Variants in PXDNL observed in about 807,000 individuals in gnomAD.
PXDNL encodes peroxidasin like, also known as probable oxidoreductase PXDNL.
Under a neutral mutation model 150.8 loss-of-function variants are expected in PXDNL, and 145 were observed. The observed-to-expected ratio is 0.96, with a 90% CI of 0.84 to 1.10. The LOEUF (loss-of-function observed/expected upper bound fraction) is 1.10, where lower values mean the gene tolerates loss of function less well. Among genes scored for constraint, PXDNL ranks in the 50% least tolerant of loss-of-function variants. The pLI is 0.00. For missense variants in PXDNL, 2,087 were observed against 1,873.9 expected, an observed-to-expected ratio of 1.11 and a Z score of -2.10; for synonymous variants, 757 against 725.7, an observed-to-expected ratio of 1.04 and a Z score of -0.69.
intron 2 of PXDNL, among the ~76,000 whole-genome samples, chr8:51,635,760 T>C (rs1197212976): frequency 3.3e-5 from 5 of 152,196 alleles, no homozygotes; most frequent in African/African-American, 1.2e-4. Context: ...GTTTCACTCG[T>C]AAATTTTATC....
intron 1 of PXDNL, among the ~76,000 whole-genome samples, chr8:51,780,791 C>G (rs760900441): frequency 1.3e-5 from 2 of 151,456 alleles, no homozygotes; most frequent in Non-Finnish European, 2.9e-5. Context: ...TCCCGAGTAG[C>G]TGGAATTACA....
intron 1 of PXDNL, among the ~76,000 whole-genome samples, chr8:51,744,186 AAGAG>A (rs1465070283): frequency 1.3e-5 from 2 of 149,606 alleles, no homozygotes; most frequent in Non-Finnish European, 3.0e-5. Context: ...GAAGGTGAGA[AAGAG>A]AGAAAGAAAA....
intron 1 of PXDNL, among the ~76,000 whole-genome samples, chr8:51,762,457 C>T (rs1215192887): frequency 6.6e-6 from 1 of 152,194 alleles, no homozygotes; most frequent in African/African-American, 2.4e-5. Flanking sequence ...ACCTGCTGCT[C>T]TCTCTGAAGT....
rs539063150 is a variant in PXDNL at position 51,407,747 on chromosome 8, A to T, written c.3557+320T>A. ...ATTTATATCGAATGTATGGCCTCAT[A>T]TCAACAAAAGGGCCTTGCTTGGATT... On this transcript the variant is annotated intron_variant, in intron 17 of 22. Coordinates refer to ENST00000356297, the MANE Select transcript of PXDNL (RefSeq NM_144651.5). Among the ~76,000 whole-genome samples the T allele has an allele frequency of 3.9e-5, 6 of 152,326 alleles. No individual in the cohort carries two copies. The East Asian group carries it at 1.2e-3, about 29-fold the overall frequency.
chr8:51,470,237 C>T (rs949682428), intron 8 of PXDNL, among the ~76,000 whole-genome samples: 2 of 151,984 alleles, frequency 1.3e-5, no homozygotes, highest in African/African-American at 4.8e-5. Context: ...TTCTCGTGGG[C>T]TAGTTTCCAG....
chr8:51,496,390 C>A (rs1230770130), intron 5 of PXDNL, among the ~76,000 whole-genome samples: 7 of 152,184 alleles, frequency 4.6e-5, no homozygotes, highest in Non-Finnish European at 7.3e-5. Flanking sequence ...TGCCCTCTCT[C>A]ACCACTCCTA....
intron 19 of PXDNL, among the ~76,000 whole-genome samples, chr8:51,369,714 T>C (rs770391636): frequency 1.3e-5 from 2 of 152,108 alleles, no homozygotes; most frequent in Non-Finnish European, 2.9e-5. Context: ...TGCTGGCTTA[T>C]TAATTTTCAG....
intron 6 of PXDNL, among the ~76,000 whole-genome samples, chr8:51,483,257 G>A (rs555898868): frequency 6.6e-5 from 10 of 152,234 alleles, no homozygotes; most frequent in South Asian, 2.1e-4. Context: ...AGACAACTCC[G>A]TACAACAAGG....
chr8:51,705,802 A>T (rs1402941041), intron 1 of PXDNL, among the ~76,000 whole-genome samples: 1 of 142,558 alleles, frequency 7.0e-6, no homozygotes, highest in Non-Finnish European at 1.5e-5. Flanking sequence ...CTCCTGGTGA[A>T]AACACTGTGT....
chr8:51,343,439 G>C (rs1379900176), intron 20 of PXDNL, among the ~76,000 whole-genome samples: 1 of 152,146 alleles, frequency 6.6e-6, no homozygotes, highest in East Asian at 1.9e-4. Flanking sequence ...ATGATAAACT[G>C]AACTCATAAT....
intron 1 of PXDNL, among the ~76,000 whole-genome samples, chr8:51,663,929 T>C (rs1815327362): frequency 6.6e-6 from 1 of 151,906 alleles, no homozygotes; most frequent in Non-Finnish European, 1.5e-5. Context: ...CACACGCCCA[T>C]GATCCCAGCT....
chr8:51,370,171 A>G (rs1314848874), intron 19 of PXDNL, among the ~76,000 whole-genome samples: 1 of 152,226 alleles, frequency 6.6e-6, no homozygotes, highest in East Asian at 1.9e-4. Context: ...GACTCAGGAC[A>G]ATTATATGAG....
intron 2 of PXDNL, among the ~76,000 whole-genome samples, chr8:51,614,675 A>T (rs1472426417): frequency 1.3e-5 from 2 of 152,174 alleles, no homozygotes; most frequent in Admixed American, 1.3e-4. Flanking sequence ...TGATTTTTAA[A>T]ATCGACTTTA....
At chr8:51,700,739 C>A (rs1292341493) in intron 1 of PXDNL, among the ~76,000 whole-genome samples, 1 of 151,500 alleles carries the variant, frequency 6.6e-6, no homozygotes, top group Non-Finnish European at 1.5e-5. Context: ...AATACACATA[C>A]ACTTATACAT....
At chr8:51,412,084 A>G (rs1045860625) in intron 15 of PXDNL, among the ~76,000 whole-genome samples, 1 of 152,198 alleles carries the variant, frequency 6.6e-6, no homozygotes, top group African/African-American at 2.4e-5. Context: ...ATAGCAGTTT[A>G]TGCACATTTG....
At chr8:51,557,549 C>A (rs1405710535) in intron 3 of PXDNL, among the ~76,000 whole-genome samples, 1 of 152,130 alleles carries the variant, frequency 6.6e-6, no homozygotes, top group East Asian at 1.9e-4. Flanking sequence ...TTGTTAATGT[C>A]ATGAAAATGA....
intron 4 of PXDNL, among the ~76,000 whole-genome samples, chr8:51,527,932 C>T (rs1464304096): frequency 6.6e-6 from 1 of 152,138 alleles, no homozygotes; most frequent in African/African-American, 2.4e-5. Context: ...CTGGCTCCAA[C>T]ACTTACTGGC....
chr8:51,413,282 A>T, intron 14 of PXDNL, 24 bp from the exon 15 acceptor site: 1 of 1,417,836 alleles, frequency 7.1e-7, no homozygotes, highest in Non-Finnish European at 9.9e-7. Flanking sequence ...TTCCATGATT[A>T]AAAATATCAA....
chr8:51,796,383 C>T (rs930518355), intron 1 of PXDNL, among the ~76,000 whole-genome samples: 7 of 145,450 alleles, frequency 4.8e-5, no homozygotes, highest in African/African-American at 1.3e-4. Flanking sequence ...AATGAATACA[C>T]GAGCTGGTGT....
Sources: gnomAD v4.1 joint callset for allele counts (sites outside exome capture counted in the v4.1 genomes callset) on GRCh38, gnomAD v4.1.1 for gene constraint, MANE v1.5 for transcripts, NCBI Gene and HGNC (gene_info 2026-07-23, HGNC 2026-07-21) for gene names.